The following TENM2 variants were observed in gnomAD, a reference collection of about 807,000 sequenced individuals.
The protein encoded by TENM2 is teneurin transmembrane protein 2.
In TENM2, 52 loss-of-function variants were observed where a neutral mutation model predicts 245.2. The observed-to-expected ratio is 0.21, with a 90% CI of 0.17 to 0.27. The LOEUF is 0.27. TENM2 is among the 10% of genes least tolerant of loss of function. The pLI, the probability that TENM2 is intolerant of heterozygous loss-of-function variation, is 1.00. For missense variants in TENM2, 3,046 were observed against 3,666.8 expected, an observed-to-expected ratio of 0.83 and a Z score of 4.37; for synonymous variants, 1,363 against 1,438.9, an observed-to-expected ratio of 0.95 and a Z score of 1.19.
Position 168,122,780 on chromosome 5 carries a change from TACCTTCCTGAGAATA to T in TENM2, c.2009-2069_2009-2055del, listed in dbSNP as rs559841744. On this transcript the variant is annotated intron_variant, in intron 10 of 28. Transcript: ENST00000518659. ...GTTTTGAAATGACTTCCATATATAATACCTTCCTGAGAATATCCAAATGGGATCGTGAGAAATATC... is the reference window on the plus strand; with the variant it reads ...GTTTTGAAATGACTTCCATATATAATTCCAAATGGGATCGTGAGAAATATC... Among the ~76,000 whole-genome samples the T allele has an allele frequency of 1.4e-3, 207 of 152,284 alleles. 1 individual carries two copies. Among genetic ancestry groups the T allele is most frequent in the African/African-American group, 4.7e-3 (194 of 41,556 alleles).
At chr5:168,066,597 GT>G (rs1790528145) in intron 7 of TENM2, among the ~76,000 whole-genome samples, 1 of 152,048 alleles carries the variant, frequency 6.6e-6, no homozygotes, top group Non-Finnish European at 1.5e-5. Context: ...TAATATTATT[GT>G]TTCTAAAGCT....
chr5:167,051,882 G>C, the TENM2 span, among the ~76,000 whole-genome samples: 1 of 152,232 alleles, frequency 6.6e-6, no homozygotes, highest in East Asian at 1.9e-4. Flanking sequence ...AGATATCAAA[G>C]AAAATTCATA....
chr5:167,349,533 G>A (rs1305177836), intron 1 of TENM2, among the ~76,000 whole-genome samples: 1 of 152,010 alleles, frequency 6.6e-6, no homozygotes, highest in Non-Finnish European at 1.5e-5. Context: ...TTATTATTGT[G>A]TGCATGTATA....
the TENM2 span, among the ~76,000 whole-genome samples, chr5:167,204,041 C>T: frequency 6.6e-6 from 1 of 151,986 alleles, no homozygotes; most frequent in Admixed American, 6.6e-5. Context: ...AGGTTCATAT[C>T]TGCACTGGAA....
intron 3 of TENM2, among the ~76,000 whole-genome samples, chr5:167,882,768 C>T (rs1773982802): frequency 6.6e-6 from 1 of 152,124 alleles, no homozygotes; most frequent in African/African-American, 2.4e-5. Context: ...CCACCTAGTA[C>T]CACCCTTGAC....
At chr5:168,034,095 A>ATATATATATATATATATGTG (rs1562077236) in intron 5 of TENM2, among the ~76,000 whole-genome samples, 2 of 95,342 alleles carry the variant, frequency 2.1e-5, no homozygotes, top group Admixed American at 1.1e-4. Flanking sequence ...ATATATGTGT[A>ATATATATATATATATATGTG]TATATATATG....
intron 4 of TENM2, among the ~76,000 whole-genome samples, chr5:167,956,062 A>G (rs1016096123): frequency 2.6e-5 from 4 of 152,194 alleles, no homozygotes; most frequent in African/African-American, 4.8e-5. Context: ...TACTTTGGGC[A>G]GTGTGGCTAT....
chr5:167,319,480 G>T (rs1756587662), intron 1 of TENM2, among the ~76,000 whole-genome samples: 2 of 152,072 alleles, frequency 1.3e-5, no homozygotes, highest in Non-Finnish European at 1.5e-5. Context: ...ATACAACCTA[G>T]GATAGCTATA....
At chr5:167,797,507 T>G (rs907815871) in intron 2 of TENM2, among the ~76,000 whole-genome samples, 2 of 152,190 alleles carry the variant, frequency 1.3e-5, no homozygotes, top group African/African-American at 2.4e-5. Context: ...CATTTTCCTA[T>G]GGTAGCACCT....
At chr5:168,068,979 T>A (rs1054417109) in intron 7 of TENM2, among the ~76,000 whole-genome samples, 1 of 152,172 alleles carries the variant, frequency 6.6e-6, no homozygotes, top group Non-Finnish European at 1.5e-5. Context: ...TTATATACTT[T>A]GTGTTTTTGT....
intron 2 of TENM2, among the ~76,000 whole-genome samples, chr5:167,506,094 C>G (rs904833963): frequency 1.3e-5 from 2 of 152,076 alleles, no homozygotes; most frequent in South Asian, 4.1e-4. Flanking sequence ...AAGAGAAGAG[C>G]CTTCCAGGCA....
At chr5:168,134,827 C>G (rs143109726) in intron 12 of TENM2, among the ~76,000 whole-genome samples, 1 of 152,206 alleles carries the variant, frequency 6.6e-6, no homozygotes, top group African/African-American at 2.4e-5. Context: ...GTTCAGCAAC[C>G]TGCTGGCTTC....
At chr5:167,537,097 G>T (rs1167078381) in intron 2 of TENM2, among the ~76,000 whole-genome samples, 1 of 151,988 alleles carries the variant, frequency 6.6e-6, no homozygotes, top group Non-Finnish European at 1.5e-5. Context: ...ATGATTTCGA[G>T]GGAATGGATT....
intron 2 of TENM2, among the ~76,000 whole-genome samples, chr5:167,523,488 G>A (rs939727280): frequency 2.0e-5 from 3 of 151,950 alleles, no homozygotes; most frequent in Non-Finnish European, 4.4e-5. Context: ...CAAATATCAG[G>A]GGATTTTACA....
intron 10 of TENM2, among the ~76,000 whole-genome samples, chr5:168,124,318 C>A (rs1157451321): frequency 6.6e-6 from 1 of 152,202 alleles, no homozygotes; most frequent in African/African-American, 2.4e-5. Flanking sequence ...CTAAGTGAAA[C>A]CTCATTAGGA....
intron 2 of TENM2, among the ~76,000 whole-genome samples, chr5:167,642,462 A>T (rs1779672206): frequency 1.3e-5 from 2 of 152,196 alleles, no homozygotes; most frequent in Admixed American, 1.3e-4. Context: ...TATATGTGAC[A>T]CACAAGTAGA....
chr5:168,169,070 A>G (rs1758564165), intron 13 of TENM2, among the ~76,000 whole-genome samples: 2 of 152,212 alleles, frequency 1.3e-5, no homozygotes, highest in South Asian at 4.1e-4. Context: ...GGTGACAGAG[A>G]TGGACCATCT....
rs773298845 is a variant in TENM2, at chr5:168,190,552, G to A, written c.2780+5G>A. ...AGAGAACCCTTTCAACAGCAGGTAG[G>A]CACCCTCTGTCCCTGCAAACTCCTG... is the stretch of plus-strand genomic sequence containing the variant. On this transcript the variant is annotated splice_donor_5th_base_variant and intron_variant, in intron 14 of 28. Transcript: ENST00000518659. 1 of 1,610,842 alleles carries A rather than the reference G, an allele frequency of 6.2e-7. No individual in the cohort carries two copies. Among genetic ancestry groups the A allele is most frequent in the Non-Finnish European group, 8.5e-7 (1 of 1,177,376 alleles).
chr5:167,370,467 G>C (rs772978787), intron 1 of TENM2, among the ~76,000 whole-genome samples: 33 of 150,020 alleles, frequency 2.2e-4, no homozygotes, highest in Middle Eastern at 3.2e-3. Flanking sequence ...TTTAAGACTT[G>C]TGTTCCCCTC....
Sources: gnomAD v4.1 joint callset for allele counts (sites outside exome capture counted in the v4.1 genomes callset) on GRCh38, gnomAD v4.1.1 for gene constraint, MANE v1.5 for transcripts, NCBI Gene and HGNC (gene_info 2026-07-23, HGNC 2026-07-21) for gene names.